Variants in CSMD3 observed in about 807,000 individuals in gnomAD.
CSMD3 encodes the protein CUB and sushi domain-containing protein 3.
CSMD3 carries 177 observed loss-of-function variants against 435.2 expected under a neutral mutation model. That is an observed-to-expected ratio of 0.41 (90% CI 0.36 to 0.46). The LOEUF (loss-of-function observed/expected upper bound fraction) is 0.46. CSMD3 is among the 20% of genes least tolerant of loss of function. CSMD3 has a pLI of 0.34. For missense variants in CSMD3, 4,265 were observed against 4,504.6 expected (o/e 0.95, Z 1.52); for synonymous variants, 1,656 against 1,520.5 (o/e 1.09, Z -2.07).
intron 1 of CSMD3, among the ~76,000 whole-genome samples, chr8:113,321,968 TCTC>T (rs1254398640): frequency 6.6e-6 from 1 of 152,174 alleles, no homozygotes; most frequent in Non-Finnish European, 1.5e-5. Flanking sequence ...GGAAATATTA[TCTC>T]CTCAGAGAGG....
chr8:112,746,120 T>C (rs1413070769), intron 13 of CSMD3, among the ~76,000 whole-genome samples: 1 of 152,166 alleles, frequency 6.6e-6, no homozygotes, highest in Non-Finnish European at 1.5e-5. Flanking sequence ...AATCAGATTA[T>C]TCCAATTAGA....
rs112759338 is a variant in CSMD3, at chr8:113,032,643, A to C, written c.918-13464T>G. Among the ~76,000 whole-genome samples the C allele has an allele frequency of 3.6e-3, 540 of 151,794 alleles. 4 individuals carry two copies. The highest frequency in any genetic ancestry group is 0.012 in the African/African-American group (503 of 41,508). ...AAAGTAAAGCATAAAGGTTTGAAAA[A>C]TTTGCAGCCTGACCATGTGGTAGAA... On this transcript the variant is annotated intron_variant, in intron 5 of 70. Coordinates refer to ENST00000297405, the MANE Select transcript of CSMD3 (RefSeq NM_198123.2).
chr8:112,767,760 A>T (rs544723431), intron 13 of CSMD3, among the ~76,000 whole-genome samples: 1 of 151,896 alleles, frequency 6.6e-6, no homozygotes, highest in Non-Finnish European at 1.5e-5. Flanking sequence ...TTTTATCATT[A>T]ATATCAATTT....
intron 10 of CSMD3, among the ~76,000 whole-genome samples, chr8:112,859,932 T>C (rs1197606225): frequency 6.6e-6 from 1 of 151,834 alleles, no homozygotes; most frequent in Admixed American, 6.6e-5. Context: ...GCTTTTGATT[T>C]GGATATCTTT....
chr8:112,658,044 C>A (rs895650276), intron 17 of CSMD3, among the ~76,000 whole-genome samples: 2 of 152,088 alleles, frequency 1.3e-5, no homozygotes, highest in African/African-American at 4.8e-5. Context: ...AAATGTCTTT[C>A]TTTTCTCTAG....
chr8:112,682,658 A>G (rs752445263), intron 15 of CSMD3, 22 bp from the exon 16 acceptor site: 1 of 1,486,772 alleles, frequency 6.7e-7, no homozygotes, highest in Admixed American at 1.7e-5. Flanking sequence ...TATGCAAAGA[A>G]AAATACACAA....
chr8:113,099,268 T>C (rs1432921490), intron 4 of CSMD3, among the ~76,000 whole-genome samples: 1 of 152,108 alleles, frequency 6.6e-6, no homozygotes, highest in African/African-American at 2.4e-5. Context: ...TTTATTTTCA[T>C]GTTTAAGTGA....
intron 11 of CSMD3, among the ~76,000 whole-genome samples, chr8:112,850,850 G>A (rs980030243): frequency 1.3e-5 from 2 of 152,098 alleles, no homozygotes. Context: ...ATACAGATTG[G>A]GGCAGAGATG....
intron 13 of CSMD3, among the ~76,000 whole-genome samples, chr8:112,721,675 A>G (rs977399096): frequency 6.6e-6 from 1 of 152,194 alleles, no homozygotes; most frequent in African/African-American, 2.4e-5. Flanking sequence ...TCCTTGATGC[A>G]TTCCTGTTTT....
At chr8:112,421,764 A>C (rs546668270) in intron 32 of CSMD3, among the ~76,000 whole-genome samples, 1 of 150,290 alleles carries the variant, frequency 6.7e-6, no homozygotes, top group African/African-American at 2.4e-5. Flanking sequence ...CTCCTGGTAG[A>C]AATTGAGAAA....
chr8:112,337,539 A>C lies in CSMD3; in HGVS notation c.6841+4T>G, dbSNP rs772597085. ...TAAAAGATAGCTTCAAGTTAGAAGCATACCTTCACACCTTGGAAGTGGATG... is the reference window on the plus strand; with the variant it reads ...TAAAAGATAGCTTCAAGTTAGAAGCCTACCTTCACACCTTGGAAGTGGATG... On this transcript the variant is annotated splice_donor_region_variant and intron_variant, in intron 43 of 70. Transcript: ENST00000297405. 1 of 1,611,760 alleles carries C rather than the reference A, an allele frequency of 6.2e-7. No individual in the cohort carries two copies. The highest frequency in any genetic ancestry group is 8.5e-7 in the Non-Finnish European group (1 of 1,177,852).
At chr8:112,470,304 G>A (rs766971934) in intron 32 of CSMD3, among the ~76,000 whole-genome samples, 3 of 151,878 alleles carry the variant, frequency 2.0e-5, no homozygotes, top group African/African-American at 4.8e-5. Context: ...AACCTTTTTC[G>A]GGGGTGGAAG....
intron 16 of CSMD3, among the ~76,000 whole-genome samples, chr8:112,669,054 T>C (rs1263736828): frequency 3.3e-5 from 5 of 151,816 alleles, no homozygotes; most frequent in African/African-American, 7.2e-5. Flanking sequence ...TTTTTTGAGA[T>C]GGAGCTTTGC....
chr8:113,412,821 A>T (rs1203075455), intron 1 of CSMD3, among the ~76,000 whole-genome samples: 1 of 152,102 alleles, frequency 6.6e-6, no homozygotes, highest in African/African-American at 2.4e-5. Context: ...AAAAAAAACA[A>T]ACCAAAGCAC....
At chr8:112,562,605 T>G (rs1828730986) in intron 24 of CSMD3, among the ~76,000 whole-genome samples, 1 of 151,288 alleles carries the variant, frequency 6.6e-6, no homozygotes, top group Middle Eastern at 3.7e-3. Context: ...AAAGTTGATA[T>G]AATGCAAGGA....
At chr8:113,224,139 T>C (rs2093000456) in intron 3 of CSMD3, among the ~76,000 whole-genome samples, 1 of 151,256 alleles carries the variant, frequency 6.6e-6, no homozygotes, top group Non-Finnish European at 1.5e-5. Context: ...GTGCTATTCG[T>C]TTTTGGTTAA....
chr8:112,472,750 TA>T (rs754503570), intron 31 of CSMD3, 43 bp from the exon 32 acceptor site: 14 of 1,029,074 alleles, frequency 1.4e-5, no homozygotes, highest in Middle Eastern at 2.0e-4. Flanking sequence ...AAAAAAGTTT[TA>T]AAAAATTCAT....
intron 48 of CSMD3, 49 bp from the exon 49 acceptor site, chr8:112,314,101 T>C (rs772182397): frequency 4.3e-6 from 6 of 1,403,074 alleles, no homozygotes; most frequent in Non-Finnish European, 6.0e-6. Flanking sequence ...TATATTCTCA[T>C]TTGTCTTTAG....
chr8:113,214,691 G>T (rs937672944), intron 3 of CSMD3, among the ~76,000 whole-genome samples: 2 of 151,708 alleles, frequency 1.3e-5, no homozygotes, highest in Admixed American at 6.6e-5. Flanking sequence ...GAAAAATTTA[G>T]AGGAATGCCT....
Sources: gnomAD v4.1 joint callset for allele counts (sites outside exome capture counted in the v4.1 genomes callset) on GRCh38, gnomAD v4.1.1 for gene constraint, MANE v1.5 for transcripts, NCBI Gene and HGNC (gene_info 2026-07-23, HGNC 2026-07-21) for gene names.